The following CALCR variants were observed in gnomAD, a reference collection of about 807,000 sequenced individuals.
CALCR encodes calcitonin receptor.
CALCR carries 47 observed loss-of-function variants against 59.5 expected under a neutral mutation model. The ratio of observed to expected loss-of-function variants is 0.79; its 90% CI spans 0.63 to 1.01. The LOEUF is 1.01. CALCR is among the 50% of genes least tolerant of loss of function. The pLI, the probability that CALCR is intolerant of heterozygous loss-of-function variation, is 0.00. For synonymous variants in CALCR, 213 were observed against 211.3 expected, an observed-to-expected ratio of 1.01 and a Z score of -0.07; for missense variants, 566 against 597.1, an observed-to-expected ratio of 0.95 and a Z score of 0.54.
chr7:93,483,643 G>C (rs1436641315), intron 3 of CALCR, among the ~76,000 whole-genome samples: 1 of 151,450 alleles, frequency 6.6e-6, no homozygotes, highest in African/African-American at 2.4e-5. Flanking sequence ...TGCTGGGAAG[G>C]TGGTATCATT....
chr7:93,490,901 A>T (rs912615580), intron 2 of CALCR, among the ~76,000 whole-genome samples: 1 of 152,072 alleles, frequency 6.6e-6, no homozygotes, highest in Admixed American at 6.6e-5. Context: ...AATTAGAAAA[A>T]ACTACTTTAA....
intron 11 of CALCR, among the ~76,000 whole-genome samples, chr7:93,436,399 A>T (rs1292300184): frequency 1.3e-5 from 2 of 151,922 alleles, no homozygotes; most frequent in Admixed American, 1.3e-4. Flanking sequence ...GTTGCTCATC[A>T]CCCTTGCCAA....
chr7:93,472,096 C>A (rs1409687253), intron 6 of CALCR, among the ~76,000 whole-genome samples: 2 of 151,818 alleles, frequency 1.3e-5, no homozygotes, highest in African/African-American at 4.8e-5. Context: ...GGAATCCTTT[C>A]ATCTGCTCTA....
intron 8 of CALCR, among the ~76,000 whole-genome samples, chr7:93,453,365 A>G (rs73712893): frequency 0.067 from 10,158 of 152,070 alleles, 1,068 homozygotes; most frequent in African/African-American, 0.22. Context: ...AACTTACTCA[A>G]TATTAAAGAT....
intron 2 of CALCR, among the ~76,000 whole-genome samples, chr7:93,523,299 C>A: frequency 6.6e-6 from 1 of 152,278 alleles, no homozygotes; most frequent in East Asian, 1.9e-4. Flanking sequence ...GTACCCCTCA[C>A]GGTCTCCTCC....
chr7:93,565,570 C>A (rs1789845901), intron 2 of CALCR, among the ~76,000 whole-genome samples: 1 of 152,096 alleles, frequency 6.6e-6, no homozygotes, highest in South Asian at 2.1e-4. Flanking sequence ...AAGAAGCCAC[C>A]CAGTAAATTT....
rs150064806 is a variant in CALCR at position 93,466,634 on chromosome 7, G to A, written c.521+2081C>T. On this transcript the variant is annotated intron_variant, in intron 7 of 13. Coordinates refer to ENST00000426151, the MANE Select transcript of CALCR (RefSeq NM_001742.4). ...TCATTTCTTCTCATTATTAGGCTCA[G>A]ATGATAAATCAATAAGACTTGTTTT... Among the ~76,000 whole-genome samples, 531 of 151,922 alleles carry A rather than the reference G, an allele frequency of 3.5e-3. 3 individuals are homozygous for A. Among genetic ancestry groups the A allele is most frequent in the African/African-American group, 0.012 (498 of 41,494 alleles).
At chr7:93,499,504 G>C (rs1801277814) in intron 2 of CALCR, among the ~76,000 whole-genome samples, 2 of 151,826 alleles carry the variant, frequency 1.3e-5, no homozygotes, top group South Asian at 4.1e-4. Flanking sequence ...GCCACGTCTG[G>C]GTAATAATTG....
At chr7:93,559,481 A>G (rs1416198707) in intron 2 of CALCR, 2 of 152,078 alleles carry the variant, frequency 1.3e-5, no homozygotes, top group Non-Finnish European at 2.9e-5. Flanking sequence ...TATTTGTGTC[A>G]TTAGTCAATC....
chr7:93,529,437 T>C (rs1788773585), intron 2 of CALCR, among the ~76,000 whole-genome samples: 1 of 152,206 alleles, frequency 6.6e-6, no homozygotes, highest in Non-Finnish European at 1.5e-5. Flanking sequence ...TTAAACCTCT[T>C]TTCTTTATGA....
intron 7 of CALCR, among the ~76,000 whole-genome samples, chr7:93,466,067 T>C (rs1023441141): frequency 1.3e-5 from 2 of 151,826 alleles, no homozygotes; most frequent in South Asian, 2.1e-4. Context: ...CTCTCAGAAG[T>C]GGAGCTGGGT....
chr7:93,497,351 A>T (rs1426454139), intron 2 of CALCR, among the ~76,000 whole-genome samples: 1 of 151,688 alleles, frequency 6.6e-6, no homozygotes, highest in African/African-American at 2.4e-5. Flanking sequence ...CATTATGTGT[A>T]TACATCATCT....
chr7:93,426,894 G>T (rs1799542757), intron 13 of CALCR, among the ~76,000 whole-genome samples: 1 of 152,090 alleles, frequency 6.6e-6, no homozygotes, highest in South Asian at 2.1e-4. Context: ...CAGGTAATGT[G>T]GTATACATGT....
chr7:93,506,184 A>G lies in CALCR; in HGVS notation c.-26-19177T>C, dbSNP rs563100517. The stretch of plus-strand genomic sequence containing the variant: ...TTAGTTTTCTTGGTATGAGATGACG[A>G]ACCCCAGTTATTTACCCCAGAAAAT... On this transcript the variant is annotated intron_variant, in intron 2 of 13. Transcript: ENST00000426151. Among the ~76,000 whole-genome samples the G allele has an allele frequency of 8.5e-5, 13 of 152,270 alleles. No homozygotes were observed. In the East Asian group the frequency reaches 2.3e-3, roughly 27 times the overall value.
chr7:93,454,332 T>C (rs1179010443), intron 8 of CALCR, among the ~76,000 whole-genome samples: 1 of 152,044 alleles, frequency 6.6e-6, no homozygotes, highest in Non-Finnish European at 1.5e-5. Context: ...GACATTCATG[T>C]TGCTTTCCAG....
At chr7:93,543,166 T>C (rs1168148516) in intron 2 of CALCR, among the ~76,000 whole-genome samples, 1 of 152,154 alleles carries the variant, frequency 6.6e-6, no homozygotes, top group Admixed American at 6.5e-5. Flanking sequence ...TAGTTGTATA[T>C]AGGACTATAG....
At chr7:93,525,750 T>C (rs1188388454) in intron 2 of CALCR, among the ~76,000 whole-genome samples, 1 of 152,222 alleles carries the variant, frequency 6.6e-6, no homozygotes, top group Non-Finnish European at 1.5e-5. Flanking sequence ...TTTCCTTGAA[T>C]ATAAAATATT....
At chr7:93,434,396 A>AT (rs1225227503) in intron 12 of CALCR, 102 bp from the exon 13 acceptor site, 2 of 717,870 alleles carry the variant, frequency 2.8e-6, no homozygotes, top group African/African-American at 3.6e-5. Context: ...GATGAAAAAA[A>AT]AAAAAAGCAA....
intron 2 of CALCR, among the ~76,000 whole-genome samples, chr7:93,510,754 G>A (rs543315311): frequency 4.6e-5 from 7 of 151,988 alleles, no homozygotes; most frequent in Admixed American, 6.6e-5. Context: ...CCCAGCTACC[G>A]GAGAGGCCAA....
Sources: gnomAD v4.1 joint callset for allele counts (sites outside exome capture counted in the v4.1 genomes callset) on GRCh38, gnomAD v4.1.1 for gene constraint, MANE v1.5 for transcripts, NCBI Gene and HGNC (gene_info 2026-07-23, HGNC 2026-07-21) for gene names.